TTYH1: variants seen among roughly 807,000 people sequenced by gnomAD.
TTYH1 encodes tweety family member 1.
A neutral mutation model predicts 61.2 loss-of-function variants in TTYH1; 33 were observed. The observed-to-expected ratio is 0.54, with a 90% CI of 0.41 to 0.72. The LOEUF (loss-of-function observed/expected upper bound fraction) is 0.72. Ranked by LOEUF, TTYH1 falls within the 30% of genes least tolerant of loss-of-function variation. The probability of loss-of-function intolerance (pLI) is 0.00; values close to 1 mark genes in which losing one functional copy is unlikely to be tolerated. For synonymous variants in TTYH1, 308 were observed against 266.4 expected, an observed-to-expected ratio of 1.16 and a Z score of -1.52; for missense variants, 538 against 575.8, an observed-to-expected ratio of 0.93 and a Z score of 0.67.
chr19:54,431,868 G>GT (rs2122943194), intron 10 of TTYH1: 2 of 151,118 alleles, frequency 1.3e-5, no homozygotes, highest in African/African-American at 4.9e-5. Flanking sequence ...AGTTTTTTTT[G>GT]TTTGTTTTTT....
In TTYH1 at chr19:54,425,269, G is replaced by A. The variant is rs537776798; in HGVS notation, c.639-1404G>A. Among the ~76,000 whole-genome samples, 162 of 152,286 alleles carry A rather than the reference G, an allele frequency of 1.1e-3. 7 individuals carry two copies. In the South Asian group the frequency reaches 0.032, roughly 30 times the overall value. ...ACGGCGGCAAACAGCAGTGGTGGAC[G>A]GCGAGCGAAAGCTCAGCTCAAGCCG... On this transcript the variant is annotated intron_variant, in intron 4 of 13. Transcript: ENST00000376530.
chr19:54,421,410 G>A lies in TTYH1; in HGVS notation c.417+22G>A. On this transcript the variant is annotated intron_variant, in intron 3 of 13. Coordinates refer to ENST00000376530, the MANE Select transcript of TTYH1 (RefSeq NM_020659.4). The surrounding 1 kb of genome is among the most constrained non-coding windows in gnomAD (Gnocchi z 4.8). The stretch of plus-strand genomic sequence containing the variant: ...CCTGGTGAGGGGCCAGCAACCAGTG[G>A]GACCCCAGACCCACACCTGGACGGG... 1 of 1,543,680 alleles carries A rather than the reference G, an allele frequency of 6.5e-7. No individual in the cohort carries two copies. Among genetic ancestry groups the A allele is most frequent in the African/African-American group, 1.4e-5 (1 of 73,622 alleles).
rs112082676 is a variant in TTYH1 at position 54,420,025 on chromosome 19, G to A, written c.305+719G>A. ...AAAGAGGAAGGCTCAGGGACAGAGG[G>A]GAGGTCACCTTTCAAGGCCACGTGG... On this transcript the variant is annotated intron_variant, in intron 2 of 13. Coordinates refer to ENST00000376530, the MANE Select transcript of TTYH1 (RefSeq NM_020659.4). The surrounding 1 kb of genome is among the most constrained non-coding windows in gnomAD (Gnocchi z 4.8). Among the ~76,000 whole-genome samples, 3 of 152,152 alleles carry A rather than the reference G, an allele frequency of 2.0e-5. No individual in the cohort carries two copies. The highest frequency in any genetic ancestry group is 2.9e-5 in the Non-Finnish European group (2 of 68,018).
In TTYH1 at chr19:54,416,658, C is replaced by A; in HGVS notation, c.126+980C>A. On this transcript the variant is annotated intron_variant, in intron 1 of 13. Transcript: ENST00000376530. The surrounding 1 kb of genome is among the most constrained non-coding windows in gnomAD (Gnocchi z 7.0). ...GGGCGTGGAGGGGGTCCCAGAAAAG[C>A]GCGGAGGGGATGAGTGCTGTGTTCT... 3.1e-6 allele frequency: 3 copies of A among 982,884 alleles called. No homozygotes were observed. Among genetic ancestry groups the A allele is most frequent in the Non-Finnish European group, 4.1e-6 (3 of 736,502 alleles). The allele number at this position is 982,884 out of a possible 1,614,324, so 60.9% of individuals were successfully genotyped here. A position where few individuals can be genotyped will look rare whatever the true frequency, so the allele number is the denominator to read the frequency against.
At position 54,421,941 on chromosome 19, in the gene TTYH1, G is replaced by A. The variant is rs529672898; in HGVS notation, c.418-249G>A. Among the ~76,000 whole-genome samples, 44 of 152,190 alleles carry A rather than the reference G, an allele frequency of 2.9e-4. No homozygotes were observed. Among genetic ancestry groups the A allele is most frequent in the African/African-American group, 9.6e-4 (40 of 41,520 alleles). ...CTCCACACTTAATCTCAGTCCTGGGGCTGGACTTACTACCCTGGGCTCAAG... is the reference window on the plus strand; with the variant it reads ...CTCCACACTTAATCTCAGTCCTGGGACTGGACTTACTACCCTGGGCTCAAG... On this transcript the variant is annotated intron_variant, in intron 3 of 13. Coordinates refer to ENST00000376530, the MANE Select transcript of TTYH1 (RefSeq NM_020659.4). The surrounding 1 kb of genome is among the most constrained non-coding windows in gnomAD (Gnocchi z 4.8).
rs765921197 is a variant in TTYH1, at chr19:54,431,231, G to A, written c.1125+40G>A. On this transcript the variant is annotated intron_variant, in intron 10 of 13. Coordinates refer to ENST00000376530, the MANE Select transcript of TTYH1 (RefSeq NM_020659.4). ...CTCCCAATTTCTTCTCCCACGGGGGGCCTCTGTCTCGACCCACAGAACTAC... is the reference window on the plus strand; with the variant it reads ...CTCCCAATTTCTTCTCCCACGGGGGACCTCTGTCTCGACCCACAGAACTAC... 1.6e-5 allele frequency: 24 copies of A among 1,483,628 alleles called. No individual in the cohort carries two copies. The East Asian group carries it at 3.6e-4, about 22-fold the overall frequency. The allele number at this position is 1,483,628 out of a possible 1,614,324, so 91.9% of individuals were successfully genotyped here. A position where few individuals can be genotyped will look rare whatever the true frequency, so the allele number is the denominator to read the frequency against.
At position 54,435,866 on chromosome 19, in the gene TTYH1, A is replaced by C. The variant is rs765474897; in HGVS notation, c.1307A>C (p.Asn436Thr). Residue 436 changes from asparagine (N) to threonine (T), a missense_variant, in exon 12 of 14, where the codon AAC becomes ACC. Coordinates refer to ENST00000376530, the MANE Select transcript of TTYH1 (RefSeq NM_020659.4). ...YDDTDDDDPF[N>T]PQESKRFVQW... ...GACACAGACGATGACGACCCTTTCA[A>C]CCCTCAGGTACTGGATGCCTGGGTC... The C allele has an allele frequency of 1.2e-6, 2 of 1,610,426 alleles. No homozygotes were observed. The highest frequency in any genetic ancestry group is 1.7e-6 in the Non-Finnish European group (2 of 1,179,896).
In TTYH1 at chr19:54,415,500, C is replaced by G; in HGVS notation, c.-53C>G. The G allele has an allele frequency of 1.5e-6, 2 of 1,346,708 alleles. No homozygotes were observed. Among genetic ancestry groups the G allele is most frequent in the African/African-American group, 1.5e-5 (1 of 64,726 alleles). 83.4% of individuals were successfully genotyped at this position (1,346,708 alleles called of 1,614,324 possible). On this transcript the variant is annotated 5_prime_UTR_variant, in exon 1 of 14. Coordinates refer to ENST00000376530, the MANE Select transcript of TTYH1 (RefSeq NM_020659.4). This position sits in a 1 kb window ranked among gnomAD's most constrained non-coding sequence, Gnocchi z 5.2. The stretch of plus-strand genomic sequence containing the variant: ...GCGCCGCCCGCGCCCCGCTCGACTC[C>G]GGAGGCTCCCGCAGCCCCGGCGTCC...
Position 54,426,735 on chromosome 19 carries a change from G to A in TTYH1, c.701G>A (p.Gly234Asp), listed in dbSNP as rs369293441. The change falls in exon 5 of 14, where the codon GGC (glycine) becomes GAC (aspartate). Residue 234 changes from glycine (G) to aspartate (D), a missense_variant. Transcript: ENST00000376530. ...CTGGTCTGCCTCTTCACCCTCCTGGGCCTGGCGAAGCAGAGCAAGTGGCTG... is the reference window on the plus strand; with the variant it reads ...CTGGTCTGCCTCTTCACCCTCCTGGACCTGGCGAAGCAGAGCAAGTGGCTG... The part of the protein sequence containing the change: ...ELLVCLFTLL[G>D]LAKQSKWLVI... 1.2e-6 allele frequency: 2 copies of A among 1,613,906 alleles called. No homozygotes were observed. The highest frequency in any genetic ancestry group is 2.7e-5 in the African/African-American group (2 of 74,912).
rs1245851313 is a variant in TTYH1, at chr19:54,422,907, C to T, written c.638+497C>T. 1.4e-4 allele frequency among the ~76,000 whole-genome samples: 17 copies of T among 122,624 alleles called. No individual in the cohort carries two copies. The Admixed American group carries it at 1.6e-3, about 12-fold the overall frequency. 80.4% of individuals were successfully genotyped at this position (122,624 alleles called of 152,430 possible). A position where few individuals can be genotyped will look rare whatever the true frequency, so the allele number is the denominator to read the frequency against. ...TTTCACCATTGCACTCCAGCCTGGG[C>T]GATAGAGTGAGACTCCATCTCAAAA... On this transcript the variant is annotated intron_variant, in intron 4 of 13. Coordinates refer to ENST00000376530, the MANE Select transcript of TTYH1 (RefSeq NM_020659.4).
intron 5 of TTYH1, among the ~76,000 whole-genome samples, chr19:54,427,793 G>A (rs955713953): frequency 2.0e-5 from 3 of 152,136 alleles, no homozygotes; most frequent in African/African-American, 7.2e-5. Context: ...AAGTGTCGTG[G>A]CAAAGCCGCA....
Position 54,429,388 on chromosome 19 carries a change from C to T in TTYH1, c.807+9C>T. 4.3e-6 allele frequency: 7 copies of T among 1,613,456 alleles called. No individual in the cohort carries two copies. The highest frequency in any genetic ancestry group is 5.9e-6 in the Non-Finnish European group (7 of 1,179,828). ...AGGCAGCCACGGCCGTGGTGAGTGC[C>T]AGGGCCGGGCCATTGGGCTCTGGGA... On this transcript the variant is annotated intron_variant, in intron 6 of 13. Transcript: ENST00000376530. The surrounding 1 kb of genome is among the most constrained non-coding windows in gnomAD (Gnocchi z 5.1).
chr19:54,430,894 C>T lies in TTYH1; in HGVS notation c.1021C>T (p.Pro341Ser), dbSNP rs760884847. ...GGAGCGAGAAGCTGTGCCTCAGTTC[C>T]CTTCAGCGCAGGTCGGTGGGTGGGC... ...GLEREAVPQF[P>S]SAQKPLLSLE... The change falls in exon 9 of 14, where the codon CCT (proline) becomes TCT (serine). Residue 341 changes from proline to serine, a missense_variant. This residue lies in a region of TTYH1 where 378 missense variants were observed against 401.2 expected (regional missense o/e 0.94). Transcript: ENST00000376530. The T allele has an allele frequency of 1.9e-6, 3 of 1,613,016 alleles. No homozygotes were observed. Among genetic ancestry groups the T allele is most frequent in the Non-Finnish European group, 2.5e-6 (3 of 1,179,974 alleles).
intron 10 of TTYH1, among the ~76,000 whole-genome samples, chr19:54,433,994 G>A (rs10412473): frequency 0.044 from 6,638 of 152,126 alleles, 255 homozygotes; most frequent in African/African-American, 0.096. Context: ...CGACAGGTCC[G>A]TACCCCAACC....
rs896309976 is a variant in TTYH1, at chr19:54,436,232, C to T, written c.*42+61C>T. On this transcript the variant is annotated intron_variant, in intron 13 of 13. Transcript: ENST00000376530. This position sits in a 1 kb window ranked among gnomAD's most constrained non-coding sequence, Gnocchi z 4.3. ...GGGCCTCTGCCCCCCTCCCGCCCTC[C>T]GAGCTGCTCCAGGCATGGGCTGCGT... 78 of 1,607,536 alleles carry T rather than the reference C, an allele frequency of 4.9e-5. No homozygotes were observed. The highest frequency in any genetic ancestry group is 2.3e-4 in the African/African-American group (17 of 74,932).
At chr19:54,426,204 G>T (rs1252484537) in intron 4 of TTYH1, among the ~76,000 whole-genome samples, 2 of 152,166 alleles carry the variant, frequency 1.3e-5, no homozygotes, top group African/African-American at 2.4e-5. Context: ...AGAGGCTAAG[G>T]TTACCGAGAC....
At chr19:54,424,972 T>TG (rs1167203385) in intron 4 of TTYH1, among the ~76,000 whole-genome samples, 2 of 152,118 alleles carry the variant, frequency 1.3e-5, no homozygotes, top group African/African-American at 4.8e-5. Flanking sequence ...TTCTCTGACC[T>TG]GGGGTTCTTG....
At position 54,426,693 on chromosome 19, in the gene TTYH1, T is replaced by G. The variant is rs1457249132; in HGVS notation, c.659T>G (p.Leu220Arg). ...EEYRWLAYVL[L>R]LLLELLVCLF... ...CCCAGGTGGCTGGCCTACGTCCTCCTGCTGCTCCTGGAGCTGCTGGTCTGC... is the reference window on the plus strand; with the variant it reads ...CCCAGGTGGCTGGCCTACGTCCTCCGGCTGCTCCTGGAGCTGCTGGTCTGC... The change falls in exon 5 of 14, where the codon CTG (leucine) becomes CGG (arginine). Residue 220 changes from leucine (L) to arginine (R), a missense_variant. Around this residue, in one of 3 missense-constraint regions of TTYH1, gnomAD observed 378 missense variants for 401.2 expected, o/e 0.94. Coordinates refer to ENST00000376530, the MANE Select transcript of TTYH1 (RefSeq NM_020659.4). 2 of 1,614,004 alleles carry G rather than the reference T, an allele frequency of 1.2e-6. No individual in the cohort carries two copies. The highest frequency in any genetic ancestry group is 2.2e-5 in the South Asian group (2 of 91,070).
chr19:54,429,610 G>A lies in TTYH1; in HGVS notation c.807+231G>A, dbSNP rs1183247604. 6.6e-6 allele frequency among the ~76,000 whole-genome samples: 1 copy of A among 151,784 alleles called. No homozygotes were observed. The highest frequency in any genetic ancestry group is 1.5e-5 in the Non-Finnish European group (1 of 67,902). The stretch of plus-strand genomic sequence containing the variant: ...AACCTGGATTCCTAGGTCTGAGGGA[G>A]GAGGGGCTGGGGGTCTGGACTCCTG... On this transcript the variant is annotated intron_variant, in intron 6 of 13. Coordinates refer to ENST00000376530, the MANE Select transcript of TTYH1 (RefSeq NM_020659.4). This position sits in a 1 kb window ranked among gnomAD's most constrained non-coding sequence, Gnocchi z 5.1.
Sources: allele counts gnomAD v4.1 joint callset (sites outside exome capture counted in the v4.1 genomes callset), GRCh38; gene constraint gnomAD v4.1.1; regional missense constraint gnomAD v4.1.1; non-coding constraint Gnocchi (gnomAD v3.1); transcripts MANE v1.5; gene names NCBI Gene and HGNC (gene_info 2026-07-23, HGNC 2026-07-21).